The following MRAP2 variants were observed in gnomAD, a reference collection of about 807,000 sequenced individuals.
MRAP2 encodes the protein melanocortin-2 receptor accessory protein 2.
A neutral mutation model predicts 17.4 loss-of-function variants in MRAP2; 20 were observed. The ratio of observed to expected loss-of-function variants is 1.15; its 90% CI spans 0.81 to 1.67. The LOEUF (loss-of-function observed/expected upper bound fraction) is 1.67, where lower values mean the gene tolerates loss of function less well. Ranked by LOEUF, MRAP2 falls within the 40% of genes most tolerant of loss-of-function variation. The pLI, the probability that MRAP2 is intolerant of heterozygous loss-of-function variation, is 0.00. For missense variants in MRAP2, 238 were observed against 240.0 expected, an observed-to-expected ratio of 0.99 and a Z score of 0.05; for synonymous variants, 96 against 88.4, an observed-to-expected ratio of 1.09 and a Z score of -0.48.
At chr6:84,122,065 G>C in the MRAP2 span, among the ~76,000 whole-genome samples, 2 of 151,932 alleles carry the variant, frequency 1.3e-5, no homozygotes, top group East Asian at 3.9e-4. Flanking sequence ...AAATCAAATT[G>C]GTAATAAAAC....
At chr6:84,095,249 G>A (rs183177582), downstream of MRAP2, among the ~76,000 whole-genome samples, 187 of 152,296 alleles carry the variant, frequency 1.2e-3, no homozygotes, top group African/African-American at 4.2e-3. Context: ...TGTTATGCTG[G>A]ATAGTAAATA....
At chr6:84,142,275 C>T in the MRAP2 span, among the ~76,000 whole-genome samples, 1 of 152,168 alleles carries the variant, frequency 6.6e-6, no homozygotes, top group Non-Finnish European at 1.5e-5. Context: ...CTGCCAAATA[C>T]ACAATTTGCA....
chr6:84,052,505 T>A (rs1344257282), intron 1 of MRAP2, among the ~76,000 whole-genome samples: 1 of 152,216 alleles, frequency 6.6e-6, no homozygotes, highest in Non-Finnish European at 1.5e-5. Context: ...ATGTTTGTTG[T>A]TGGTCTTTGT....
chr6:84,145,242 T>A, the MRAP2 span, among the ~76,000 whole-genome samples: 1 of 152,126 alleles, frequency 6.6e-6, no homozygotes, highest in African/African-American at 2.4e-5. Flanking sequence ...TACCTGGATC[T>A]ATTGGTATTG....
chr6:84,059,693 A>G (rs1184852873), intron 2 of MRAP2, among the ~76,000 whole-genome samples: 2 of 152,110 alleles, frequency 1.3e-5, no homozygotes, highest in Non-Finnish European at 2.9e-5. Context: ...CAATTGTTCT[A>G]CCCCTTTACA....
the MRAP2 span, among the ~76,000 whole-genome samples, chr6:84,104,977 A>G: frequency 6.6e-6 from 1 of 152,212 alleles, no homozygotes; most frequent in Non-Finnish European, 1.5e-5. Context: ...CTTTGCTAAA[A>G]CATAAGAGTC....
chr6:84,123,738 A>G, the MRAP2 span, among the ~76,000 whole-genome samples: 1 of 152,274 alleles, frequency 6.6e-6, no homozygotes, highest in African/African-American at 2.4e-5. Context: ...GAACTGAATT[A>G]AAATTAAAGG....
At chr6:84,145,263 C>A in the MRAP2 span, among the ~76,000 whole-genome samples, 3 of 152,068 alleles carry the variant, frequency 2.0e-5, no homozygotes, top group African/African-American at 4.8e-5. Flanking sequence ...CAGGCAAAAT[C>A]TGATGGCAAG....
chr6:84,139,539 T>C, the MRAP2 span, among the ~76,000 whole-genome samples: 11 of 152,324 alleles, frequency 7.2e-5, no homozygotes, highest in South Asian at 2.3e-3. Flanking sequence ...TTTTTGGCAA[T>C]GCAGATGGGA....
At chr6:84,142,455 T>C in the MRAP2 span, among the ~76,000 whole-genome samples, 5 of 152,272 alleles carry the variant, frequency 3.3e-5, no homozygotes, top group South Asian at 8.3e-4. Context: ...TTGGACGGTA[T>C]TGTCAAAAGT....
chr6:84,074,910 T>C (rs1185083985), intron 3 of MRAP2, among the ~76,000 whole-genome samples: 5 of 152,222 alleles, frequency 3.3e-5, no homozygotes, highest in African/African-American at 1.2e-4. Flanking sequence ...GGGATCATGC[T>C]AGAATGAGAA....
the MRAP2 span, among the ~76,000 whole-genome samples, chr6:84,111,233 A>C: frequency 3.3e-5 from 5 of 152,200 alleles, 1 homozygote; most frequent in Admixed American, 3.3e-4. Flanking sequence ...CTTCCCATCC[A>C]TGAGCATGGA....
chr6:84,143,799 T>A, the MRAP2 span, among the ~76,000 whole-genome samples: 1 of 152,014 alleles, frequency 6.6e-6, no homozygotes, highest in Non-Finnish European at 1.5e-5. Context: ...GGAGCATCGG[T>A]CTGCTCTTGA....
In MRAP2 at chr6:84,089,142, C is replaced by A; in HGVS notation, c.279C>A (p.Asp93Glu). 6.2e-7 allele frequency: 1 copy of A among 1,614,152 alleles called. No homozygotes were observed. Among genetic ancestry groups the A allele is most frequent in the Non-Finnish European group, 8.5e-7 (1 of 1,180,026 alleles). Reference sequence around the variant, plus strand: ...TCAGAATGAACAGCTTTGTGTCAGACTTTGGAAGACCTCTGGAGCCAGATA... The same window carrying A: ...TCAGAATGAACAGCTTTGTGTCAGAATTTGGAAGACCTCTGGAGCCAGATA... ...KRFRMNSFVS[D>E]FGRPLEPDKV... The change falls in exon 4 of 4, where the codon GAC becomes GAA. Residue 93 changes from aspartate (D) to glutamate (E), a missense_variant. By Grantham distance (45) the Asp-to-Glu change is conservative (BLOSUM62 2). Transcript: ENST00000257776.
At chr6:84,060,312 A>G (rs974295524) in intron 2 of MRAP2, among the ~76,000 whole-genome samples, 1 of 151,942 alleles carries the variant, frequency 6.6e-6, no homozygotes, top group African/African-American at 2.4e-5. Flanking sequence ...CTGCTTTTTG[A>G]TTATCTCCCT....
intron 1 of MRAP2, among the ~76,000 whole-genome samples, chr6:84,043,317 T>A (rs1437620141): frequency 2.0e-5 from 3 of 152,200 alleles, no homozygotes; most frequent in Non-Finnish European, 4.4e-5. Flanking sequence ...TGATGTATAC[T>A]TTCTTGCTAC....
At position 84,033,898 on chromosome 6, in the gene MRAP2, G is replaced by C. The variant is rs774570957; in HGVS notation, c.-8+15G>C. On this transcript the variant is annotated intron_variant, in intron 1 of 3. Coordinates refer to ENST00000257776, the MANE Select transcript of MRAP2 (RefSeq NM_138409.4). ...CTAGCCAGCCGGTAACCACGGGCGG[G>C]ACAGGGCGCCCAGGGCGGAGCAAAG... 1.3e-5 allele frequency: 13 copies of C among 986,158 alleles called. No individual in the cohort carries two copies. Among genetic ancestry groups the C allele is most frequent in the Non-Finnish European group, 1.4e-5 (12 of 830,230 alleles). 61.1% of individuals were successfully genotyped at this position (986,158 alleles called of 1,614,324 possible).
downstream of MRAP2, among the ~76,000 whole-genome samples, chr6:84,095,096 GAAGC>G (rs1030752711): frequency 1.3e-5 from 2 of 152,238 alleles, no homozygotes; most frequent in African/African-American, 2.4e-5. Flanking sequence ...ACAGTGTGGA[GAAGC>G]AAGGGCTCAA....
Position 84,043,778 on chromosome 6 carries a change from A to C in MRAP2, c.-8+9895A>C, listed in dbSNP as rs113454155. Among the ~76,000 whole-genome samples, 975 of 152,202 alleles carry C rather than the reference A, an allele frequency of 6.4e-3. 17 individuals carry two copies. The highest frequency in any genetic ancestry group is 0.022 in the African/African-American group (912 of 41,526). ...TAAGAGCACAGTCCACAGTCCTTGA[A>C]TTTTTGACCTCTACTAAATCTTTCA... On this transcript the variant is annotated intron_variant, in intron 1 of 3. Transcript: ENST00000257776.
Sources: gnomAD v4.1 joint callset for allele counts (sites outside exome capture counted in the v4.1 genomes callset) on GRCh38, gnomAD v4.1.1 for gene constraint, MANE v1.5 for transcripts, NCBI Gene and HGNC (gene_info 2026-07-23, HGNC 2026-07-21) for gene names.